PTP4A1: variants seen among roughly 807,000 people sequenced by gnomAD.
PTP4A1 encodes protein tyrosine phosphatase type IVA 1.
In PTP4A1, 9 loss-of-function variants were observed where a neutral mutation model predicts 20.5. The observed-to-expected ratio is 0.44, with a 90% CI of 0.26 to 0.77. PTP4A1 has a LOEUF of 0.77. Among genes scored for constraint, PTP4A1 ranks in the 30% least tolerant of loss-of-function variants. The pLI is 0.19. For missense variants in PTP4A1, 137 were observed against 218.8 expected, an observed-to-expected ratio of 0.63 and a Z score of 2.36; for synonymous variants, 78 against 67.4, an observed-to-expected ratio of 1.16 and a Z score of -0.77.
At chr6:63,526,867 T>C (rs1490109639) in intron 1 of PTP4A1, among the ~76,000 whole-genome samples, 1 of 148,136 alleles carries the variant, frequency 6.8e-6, no homozygotes, top group Non-Finnish European at 1.5e-5. Flanking sequence ...AGGGCTTCCA[T>C]AGGATGCATT....
chr6:63,545,173 T>A (rs977291101), intron 2 of PTP4A1, among the ~76,000 whole-genome samples: 1 of 152,346 alleles, frequency 6.6e-6, no homozygotes, highest in Admixed American at 6.5e-5. Context: ...TCTGTTTCTA[T>A]CTTTTCTTAT....
rs1778016335 is a variant in PTP4A1, at chr6:63,578,469, A to C, written c.138A>C (p.Val46=). The C allele has an allele frequency of 6.2e-7, 1 of 1,610,438 alleles. No individual in the cohort carries two copies. The highest frequency in any genetic ancestry group is 1.3e-5 in the African/African-American group (1 of 74,808). ...ELKKYGVTTI[V]RVCEATYDTT... ...AGAAGTATGGAGTTACCACAATAGT[A>C]AGAGTATGTGAAGCAACTTATGACA... Residue 46 remains valine, a synonymous_variant, in exon 3 of 6, where the codon GTA becomes GTC. Transcript: ENST00000626021.
intron 2 of PTP4A1, among the ~76,000 whole-genome samples, chr6:63,529,552 CT>C (rs1775362693): frequency 6.6e-6 from 1 of 152,070 alleles, no homozygotes; most frequent in Non-Finnish European, 1.5e-5. Flanking sequence ...GCTTTTAATT[CT>C]CACCCCTTTC....
intron 2 of PTP4A1, among the ~76,000 whole-genome samples, chr6:63,544,426 G>A (rs569550820): frequency 6.6e-6 from 1 of 151,796 alleles, no homozygotes; most frequent in Admixed American, 6.6e-5. Context: ...CCAAAAACAG[G>A]AATATATATT....
At chr6:63,531,831 CT>C (rs142176912) in intron 2 of PTP4A1, among the ~76,000 whole-genome samples, 1,457 of 144,042 alleles carry the variant, frequency 0.01, 9 homozygotes, top group African/African-American at 0.025. Context: ...GCCACATACA[CT>C]TTTTTTTTTT....
At chr6:63,540,351 T>G (rs1371811670) in intron 2 of PTP4A1, among the ~76,000 whole-genome samples, 1 of 152,152 alleles carries the variant, frequency 6.6e-6, no homozygotes, top group African/African-American at 2.4e-5. Flanking sequence ...CCAGGCACAA[T>G]GGGTCACACC....
At chr6:63,521,101 G>T (rs1045057445), upstream of PTP4A1, among the ~76,000 whole-genome samples, 5 of 152,080 alleles carry the variant, frequency 3.3e-5, no homozygotes, top group Non-Finnish European at 5.9e-5. Context: ...GGGAAAAGGG[G>T]AGGGAGAGCA....
At chr6:63,550,667 C>A (rs374376712) in intron 3 of PTP4A1, among the ~76,000 whole-genome samples, 1 of 152,240 alleles carries the variant, frequency 6.6e-6, no homozygotes, top group African/African-American at 2.4e-5. Context: ...CTCTGTTGCC[C>A]AGGCTGGAGT....
intron 2 of PTP4A1, among the ~76,000 whole-genome samples, chr6:63,578,019 A>G (rs942327880): frequency 7.2e-5 from 11 of 152,126 alleles, no homozygotes; most frequent in Admixed American, 7.2e-4. Context: ...AGGAGTGAGT[A>G]TAATTGAGTG....
intron 2 of PTP4A1, among the ~76,000 whole-genome samples, chr6:63,539,712 T>C (rs1286117976): frequency 1.3e-5 from 2 of 151,442 alleles, no homozygotes; most frequent in Non-Finnish European, 2.9e-5. Context: ...GAGGTTGCAG[T>C]GAGCTGAGAT....
chr6:63,526,809 A>G (rs1382815097), intron 1 of PTP4A1, among the ~76,000 whole-genome samples: 9 of 132,968 alleles, frequency 6.8e-5, no homozygotes, highest in Non-Finnish European at 1.4e-4. Context: ...AAATGTATAT[A>G]TATATATATA....
In PTP4A1 at chr6:63,526,817, ATATATATATATATATATATT is replaced by A. The variant is rs890380096; in HGVS notation, c.-905-998_-905-979del. Among the ~76,000 whole-genome samples, 5 of 142,374 alleles carry A rather than the reference ATATATATATATATATATATT, an allele frequency of 3.5e-5. 1 individual carries two copies. Among genetic ancestry groups the A allele is most frequent in the African/African-American group, 1.3e-4 (5 of 37,860 alleles). 93.4% of individuals were successfully genotyped at this position (142,374 alleles called of 152,430 possible). A position where few individuals can be genotyped will look rare whatever the true frequency, so the allele number is the denominator to read the frequency against. ...ATCTCAAAAATGTATATATATATAT[ATATATATATATATATATATT>A]TATTTATTTATTCTTCTTAAGGGCT... is the stretch of plus-strand genomic sequence containing the variant. On this transcript the variant is annotated intron_variant, in intron 1 of 3. Coordinates refer to the PTP4A1 transcript ENST00000639568.
chr6:63,548,831 G>A, intron 2 of PTP4A1: 1 of 753,138 alleles, frequency 1.3e-6, no homozygotes, highest in Non-Finnish European at 2.4e-6. Context: ...ATCTGTCATT[G>A]TAGTCAGTCC....
upstream of PTP4A1, among the ~76,000 whole-genome samples, chr6:63,521,312 C>T (rs1338659647): frequency 6.6e-6 from 1 of 152,112 alleles, no homozygotes; most frequent in Non-Finnish European, 1.5e-5. Context: ...TAATATCTGG[C>T]TTGTCGTATT....
chr6:63,556,071 A>G lies in PTP4A1; in HGVS notation c.-446+5578A>G, dbSNP rs552859576. On this transcript the variant is annotated intron_variant, in intron 3 of 3. Transcript: ENST00000639568. The stretch of plus-strand genomic sequence containing the variant: ...TAGAAATATTTTCCCTAAATTTCCA[A>G]AAAAATTACTCCAGTTTTCAAGTTC... 4.6e-5 allele frequency among the ~76,000 whole-genome samples: 7 copies of G among 152,306 alleles called. No individual in the cohort carries two copies. The East Asian group carries it at 1.4e-3, about 29-fold the overall frequency.
At chr6:63,545,467 T>A (rs969882441) in intron 2 of PTP4A1, among the ~76,000 whole-genome samples, 5 of 151,998 alleles carry the variant, frequency 3.3e-5, no homozygotes, top group African/African-American at 1.2e-4. Flanking sequence ...AAAAATTAGC[T>A]GGGCGTGGTG....
At chr6:63,525,689 CA>C (rs1775130381) in intron 1 of PTP4A1, among the ~76,000 whole-genome samples, 2 of 152,286 alleles carry the variant, frequency 1.3e-5, no homozygotes, top group South Asian at 4.1e-4. Flanking sequence ...CCAACAACCC[CA>C]ACCTTTCACC....
intron 2 of PTP4A1, among the ~76,000 whole-genome samples, chr6:63,540,701 T>C (rs1775925169): frequency 6.6e-6 from 1 of 151,864 alleles, no homozygotes; most frequent in Non-Finnish European, 1.5e-5. Flanking sequence ...TTTATGTAAG[T>C]TAAAATGCAT....
upstream of PTP4A1, chr6:63,570,898 T>C (rs1488485017): frequency 1.3e-5 from 2 of 152,228 alleles, no homozygotes; most frequent in African/African-American, 4.8e-5. Flanking sequence ...ATATATGAAA[T>C]CTGTCCCTTT....
Sources: gnomAD v4.1 joint callset for allele counts (sites outside exome capture counted in the v4.1 genomes callset) on GRCh38, gnomAD v4.1.1 for gene constraint, MANE v1.5 for transcripts, NCBI Gene and HGNC (gene_info 2026-07-23, HGNC 2026-07-21) for gene names.